Variants in TMEM65 observed in about 807,000 individuals in gnomAD.
TMEM65 encodes the protein transmembrane protein 65.
A neutral mutation model predicts 25.4 loss-of-function variants in TMEM65; 22 were observed. The ratio of observed to expected loss-of-function variants is 0.86; its 90% CI spans 0.62 to 1.23. The LOEUF is 1.23. Among genes scored for constraint, TMEM65 ranks in the 50% most tolerant of loss-of-function variants. The pLI, the probability that TMEM65 is intolerant of heterozygous loss-of-function variation, is 0.00. For missense variants in TMEM65, 262 were observed against 308.2 expected (o/e 0.85, Z 1.12); for synonymous variants, 132 against 126.2 (o/e 1.05, Z -0.31).
intron 6 of TMEM65, among the ~76,000 whole-genome samples, chr8:124,315,509 G>A (rs1814225061): frequency 6.6e-6 from 1 of 151,870 alleles, no homozygotes; most frequent in Admixed American, 6.6e-5. Flanking sequence ...TTTTAGTAGA[G>A]CCGGGGTTTC....
At chr8:124,320,248 A>C (rs1002151197) in intron 5 of TMEM65, 57 bp from the exon 6 acceptor site, 22 of 1,359,398 alleles carry the variant, frequency 1.6e-5, no homozygotes, top group Non-Finnish European at 2.0e-5. Flanking sequence ...AGCCTTTACA[A>C]AAGCAAACAA....
chr8:124,326,020 T>G (rs1245144853), intron 3 of TMEM65, among the ~76,000 whole-genome samples: 1 of 152,016 alleles, frequency 6.6e-6, no homozygotes, highest in Non-Finnish European at 1.5e-5. Context: ...TCAACAATCC[T>G]AAGGTCATTC....
At chr8:124,321,931 G>A (rs1814308188) in intron 5 of TMEM65, among the ~76,000 whole-genome samples, 174 bp downstream of exon 5, 1 of 152,078 alleles carries the variant, frequency 6.6e-6, no homozygotes. Flanking sequence ...ATCTATATTT[G>A]ATGGATACCA....
chr8:124,349,977 A>G (rs1208545077), intron 1 of TMEM65, among the ~76,000 whole-genome samples: 4 of 152,322 alleles, frequency 2.6e-5, no homozygotes, highest in African/African-American at 9.6e-5. Flanking sequence ...GAATATTTCA[A>G]AATTAACACT....
intron 1 of TMEM65, among the ~76,000 whole-genome samples, chr8:124,332,578 T>TA (rs1249609468): frequency 1.3e-5 from 2 of 151,994 alleles, no homozygotes; most frequent in African/African-American, 4.8e-5. Flanking sequence ...CTACTACACA[T>TA]AAAAAATTAA....
chr8:124,332,615 G>C (rs6980763), intron 1 of TMEM65, among the ~76,000 whole-genome samples: 62,440 of 151,666 alleles, frequency 0.41, 13,204 homozygotes, highest in East Asian at 0.56. Flanking sequence ...CAAATGTTAA[G>C]AGAAAGAAAT....
chr8:124,314,066 G>A lies in TMEM65; in HGVS notation c.622-5C>T, dbSNP rs1814201001. 6.3e-7 allele frequency: 1 copy of A among 1,596,138 alleles called. No individual in the cohort carries two copies. Among genetic ancestry groups the A allele is most frequent in the Non-Finnish European group, 8.6e-7 (1 of 1,165,870 alleles). ...AGTCACCCCAACAGCTTTGCCCTAAGGAAACAAAAGAGAACATTTTTAAAG... is the reference window on the plus strand; with the variant it reads ...AGTCACCCCAACAGCTTTGCCCTAAAGAAACAAAAGAGAACATTTTTAAAG... On this transcript the variant is annotated splice_region_variant and splice_polypyrimidine_tract_variant and intron_variant, in intron 6 of 6. Transcript: ENST00000297632.
chr8:124,342,479 GAT>G (rs1303393321), intron 1 of TMEM65, among the ~76,000 whole-genome samples: 1 of 152,126 alleles, frequency 6.6e-6, no homozygotes, highest in Non-Finnish European at 1.5e-5. Context: ...AAATTGTTAA[GAT>G]ATGCAATTTG....
chr8:124,355,263 A>G (rs1263132484), intron 1 of TMEM65, among the ~76,000 whole-genome samples: 1 of 151,772 alleles, frequency 6.6e-6, no homozygotes, highest in Admixed American at 6.6e-5. Flanking sequence ...AAAAAATTCT[A>G]GGACGTTTTT....
intron 1 of TMEM65, among the ~76,000 whole-genome samples, chr8:124,361,362 G>A (rs1440795664): frequency 6.6e-6 from 1 of 151,240 alleles, no homozygotes; most frequent in Non-Finnish European, 1.5e-5. Context: ...TTGAACCAGG[G>A]AGGCAGAGGT....
intron 1 of TMEM65, among the ~76,000 whole-genome samples, chr8:124,338,174 A>G (rs547499565): frequency 6.6e-6 from 1 of 152,204 alleles, no homozygotes; most frequent in Admixed American, 6.5e-5. Flanking sequence ...AATAATGAAT[A>G]TTTCCCACAT....
Position 124,311,904 on chromosome 8 carries a change from G to A in TMEM65, c.*2056C>T, listed in dbSNP as rs957633649. On this transcript the variant is annotated 3_prime_UTR_variant, in exon 7 of 7. Coordinates refer to ENST00000297632, the MANE Select transcript of TMEM65 (RefSeq NM_194291.3). ...CCTTAAATAATTCTGGAGATGTTCAGTTAAACCAGTAATTCCCTGGGACCA... is the reference window on the plus strand; with the variant it reads ...CCTTAAATAATTCTGGAGATGTTCAATTAAACCAGTAATTCCCTGGGACCA... 1 of 152,472 alleles carries A rather than the reference G, an allele frequency of 6.6e-6. No individual in the cohort carries two copies. Among genetic ancestry groups the A allele is most frequent in the South Asian group, 2.1e-4 (1 of 4,822 alleles). The allele number at this position is 152,472 out of a possible 1,614,324, so 9.4% of individuals were successfully genotyped here.
At chr8:124,330,630 A>G (rs1413411367) in intron 2 of TMEM65, 118 bp downstream of exon 2, 3 of 958,462 alleles carry the variant, frequency 3.1e-6, no homozygotes, top group Non-Finnish European at 4.7e-6. Flanking sequence ...GAACAGGATA[A>G]TCCACTCTAT....
intron 1 of TMEM65, among the ~76,000 whole-genome samples, chr8:124,338,929 G>T (rs954326277): frequency 6.6e-6 from 1 of 151,808 alleles, no homozygotes; most frequent in Admixed American, 6.6e-5. Context: ...GGTGGCTCAC[G>T]CCTGTAATCC....
intron 1 of TMEM65, among the ~76,000 whole-genome samples, chr8:124,331,115 C>T (rs145478723): frequency 3.3e-5 from 5 of 151,752 alleles, no homozygotes; most frequent in Non-Finnish European, 7.4e-5. Context: ...GCATTAATTA[C>T]ACTAGAAAAA....
chr8:124,306,652 T>G lies in TMEM65; in HGVS notation c.*7308A>C, dbSNP rs1032585966. ...ACCATAAATATATACAAATCTATTA[T>G]GAAAAGTTAAAATTGGCCGGGCGCA... is the stretch of plus-strand genomic sequence containing the variant. On this transcript the variant is annotated 3_prime_UTR_variant, in exon 7 of 7. Coordinates refer to ENST00000297632, the MANE Select transcript of TMEM65 (RefSeq NM_194291.3). 5 of 152,138 alleles carry G rather than the reference T, an allele frequency of 3.3e-5. No individual in the cohort carries two copies. The highest frequency in any genetic ancestry group is 7.3e-5 in the Non-Finnish European group (5 of 68,030). 9.4% of individuals were successfully genotyped at this position (152,138 alleles called of 1,614,324 possible). A position where few individuals can be genotyped will look rare whatever the true frequency, so the allele number is the denominator to read the frequency against.
rs760972140 is a variant in TMEM65, at chr8:124,308,217, C to T, written c.*5743G>A. 4 of 152,142 alleles carry T rather than the reference C, an allele frequency of 2.6e-5. No homozygotes were observed. The highest frequency in any genetic ancestry group is 5.9e-5 in the Non-Finnish European group (4 of 68,036). 9.4% of individuals were successfully genotyped at this position (152,142 alleles called of 1,614,324 possible). A position where few individuals can be genotyped will look rare whatever the true frequency, so the allele number is the denominator to read the frequency against. On this transcript the variant is annotated 3_prime_UTR_variant, in exon 7 of 7. Coordinates refer to ENST00000297632, the MANE Select transcript of TMEM65 (RefSeq NM_194291.3). ...TGATACTGGACAATGCCCCTGGCCA[C>T]CCACCCAGAACTCCATGAGTTCAAT...
chr8:124,368,688 A>T (rs1354654399), intron 1 of TMEM65, among the ~76,000 whole-genome samples: 3 of 152,210 alleles, frequency 2.0e-5, no homozygotes, highest in Non-Finnish European at 4.4e-5. Flanking sequence ...TGAGACATCC[A>T]GCCAACAGCC....
chr8:124,351,337 C>G (rs1230375518), intron 1 of TMEM65, among the ~76,000 whole-genome samples: 2 of 152,180 alleles, frequency 1.3e-5, no homozygotes, highest in East Asian at 3.9e-4. Context: ...ATTCTGTGAC[C>G]TTTCAAATTT....
Sources: gnomAD v4.1 joint callset for allele counts (sites outside exome capture counted in the v4.1 genomes callset) on GRCh38, gnomAD v4.1.1 for gene constraint, MANE v1.5 for transcripts, NCBI Gene and HGNC (gene_info 2026-07-23, HGNC 2026-07-21) for gene names.